Variants in FUT8 observed in about 807,000 individuals in gnomAD.
FUT8 encodes alpha-(1,6)-fucosyltransferase.
Under a neutral mutation model 71.3 loss-of-function variants are expected in FUT8, and 29 were observed. The observed-to-expected ratio is 0.41, with a 90% CI of 0.30 to 0.55. FUT8 has a LOEUF of 0.55. Ranked by LOEUF, FUT8 falls within the 20% of genes least tolerant of loss-of-function variation. FUT8 has a pLI of 0.34. For synonymous variants in FUT8, 254 were observed against 239.3 expected, an observed-to-expected ratio of 1.06 and a Z score of -0.57; for missense variants, 544 against 702.1, an observed-to-expected ratio of 0.77 and a Z score of 2.55.
chr14:65,423,725 C>T (rs971290204), intron 1 of FUT8, among the ~76,000 whole-genome samples: 4 of 152,184 alleles, frequency 2.6e-5, no homozygotes, highest in African/African-American at 9.7e-5. Flanking sequence ...AGATCCTTCG[C>T]CTTCCATTTG....
chr14:65,670,223 A>G (rs1389497312), intron 7 of FUT8, among the ~76,000 whole-genome samples: 1 of 152,186 alleles, frequency 6.6e-6, no homozygotes, highest in Non-Finnish European at 1.5e-5. Context: ...TTTTCTTTCT[A>G]CAATCATGAT....
chr14:65,465,644 T>C (rs924213668), intron 2 of FUT8, among the ~76,000 whole-genome samples: 3 of 152,252 alleles, frequency 2.0e-5, no homozygotes, highest in African/African-American at 7.2e-5. Context: ...CATTGTGGTG[T>C]GTCTATTTGT....
rs76807975 is a variant in FUT8, at chr14:65,720,767, G to A, written c.836-1008G>A. 4.4e-3 allele frequency among the ~76,000 whole-genome samples: 662 copies of A among 152,174 alleles called. 3 individuals carry two copies. The highest frequency in any genetic ancestry group is 6.2e-3 in the Non-Finnish European group (423 of 68,004). ...AGGACACTTCAGCCTATAGTGGTGC[G>A]GCTTGTTGAAACTCAGGCTCCAACC... On this transcript the variant is annotated intron_variant, in intron 7 of 10. Transcript: ENST00000673929.
At chr14:65,431,319 T>C (rs1238188580) in intron 1 of FUT8, among the ~76,000 whole-genome samples, 13 of 82,774 alleles carry the variant, frequency 1.6e-4, no homozygotes, top group East Asian at 3.3e-4. Context: ...TTTTTTTTTT[T>C]CTCTCAAATG....
In FUT8 at chr14:65,421,739, A is replaced by AC. The variant is rs1555359419; in HGVS notation, c.-326+8533dup. ...TTTGTATCTTGAAACCCTTTAACCC[A>AC]CCCCCCCCTTTTTTTTTTTTTGCCA... On this transcript the variant is annotated intron_variant, in intron 1 of 10. Coordinates refer to ENST00000673929, the MANE Select transcript of FUT8 (RefSeq NM_001371533.1). Among the ~76,000 whole-genome samples the AC allele has an allele frequency of 6.1e-3, 319 of 51,974 alleles. 48 individuals are homozygous for AC. The East Asian group carries it at 0.098, about 16-fold the overall frequency. 34.1% of individuals were successfully genotyped at this position (51,974 alleles called of 152,430 possible). A position where few individuals can be genotyped will look rare whatever the true frequency, so the allele number is the denominator to read the frequency against.
At chr14:65,432,738 T>A (rs183793564) in intron 1 of FUT8, among the ~76,000 whole-genome samples, 1 of 152,274 alleles carries the variant, frequency 6.6e-6, no homozygotes, top group Admixed American at 6.5e-5. Context: ...TCCTCACTAC[T>A]ACACTTCCAT....
In FUT8 at chr14:65,607,237, G is replaced by A. The variant is rs1888633739; in HGVS notation, c.204-8741G>A. 6.6e-6 allele frequency among the ~76,000 whole-genome samples: 1 copy of A among 151,786 alleles called. No homozygotes were observed. On this transcript the variant is annotated intron_variant, in intron 3 of 10. Coordinates refer to ENST00000673929, the MANE Select transcript of FUT8 (RefSeq NM_001371533.1). This position sits in a 1 kb window ranked among gnomAD's most constrained non-coding sequence, Gnocchi z 4.1. ...AAGGCCTTCAGTACAGTGATGAATA[G>A]AAGCATAGATGGCAGGCCTGTCTTC...
chr14:65,697,633 A>T (rs1468023583), intron 7 of FUT8, among the ~76,000 whole-genome samples: 1 of 152,196 alleles, frequency 6.6e-6, no homozygotes, highest in Non-Finnish European at 1.5e-5. Context: ...ATCATCACAA[A>T]CAGCTATAAA....
At chr14:65,705,874 T>A (rs922044876) in intron 7 of FUT8, among the ~76,000 whole-genome samples, 1 of 152,214 alleles carries the variant, frequency 6.6e-6, no homozygotes, top group Non-Finnish European at 1.5e-5. Context: ...GTAAACAGCA[T>A]GAATTAGATA....
intron 3 of FUT8, among the ~76,000 whole-genome samples, chr14:65,567,599 C>A (rs1886263776): frequency 6.6e-6 from 1 of 151,910 alleles, no homozygotes; most frequent in African/African-American, 2.4e-5. Context: ...GTGTACAGCA[C>A]CTGCCATCTA....
intron 1 of FUT8, among the ~76,000 whole-genome samples, chr14:65,435,337 AG>A (rs2065538742): frequency 6.6e-6 from 1 of 152,168 alleles, no homozygotes; most frequent in Admixed American, 6.5e-5. Context: ...GTGGATATGG[AG>A]GGCCAACTGT....
chr14:65,634,577 A>AAG (rs201487020), intron 6 of FUT8, among the ~76,000 whole-genome samples: 1 of 150,698 alleles, frequency 6.6e-6, no homozygotes, highest in African/African-American at 2.4e-5. Context: ...AAAAAAAAAA[A>AAG]AAAAGAAAAG....
chr14:65,451,242 C>T (rs568134161), intron 1 of FUT8, among the ~76,000 whole-genome samples: 6 of 152,346 alleles, frequency 3.9e-5, no homozygotes, highest in Admixed American at 6.5e-5. Flanking sequence ...TGAAACCAGC[C>T]GGCTGCTTTG....
intron 6 of FUT8, among the ~76,000 whole-genome samples, chr14:65,649,552 G>A (rs1188638224): frequency 6.6e-6 from 1 of 152,154 alleles, no homozygotes; most frequent in East Asian, 1.9e-4. Flanking sequence ...CTAGTGCCCT[G>A]CCTTTTGTAC....
At chr14:65,540,480 T>C (rs1441900700) in intron 2 of FUT8, among the ~76,000 whole-genome samples, 1 of 152,210 alleles carries the variant, frequency 6.6e-6, no homozygotes, top group African/African-American at 2.4e-5. Context: ...TTTTGTACCA[T>C]GAGGCAGTCT....
intron 3 of FUT8, among the ~76,000 whole-genome samples, chr14:65,579,691 A>T (rs1476446562): frequency 2.0e-5 from 3 of 152,142 alleles, no homozygotes; most frequent in Admixed American, 1.3e-4. Flanking sequence ...GTAGAAATAG[A>T]TATAGTATAT....
chr14:65,479,306 G>T (rs2066293418), intron 2 of FUT8, among the ~76,000 whole-genome samples: 1 of 152,116 alleles, frequency 6.6e-6, no homozygotes, highest in African/African-American at 2.4e-5. Context: ...AGATAGAATG[G>T]TTGGCCCAAA....
chr14:65,646,825 T>G (rs922087334), intron 6 of FUT8, among the ~76,000 whole-genome samples: 1 of 152,148 alleles, frequency 6.6e-6, no homozygotes, highest in Admixed American at 6.5e-5. Flanking sequence ...TGCATACAAA[T>G]ACATCTCTGT....
intron 1 of FUT8, among the ~76,000 whole-genome samples, chr14:65,420,177 A>G (rs2065272421): frequency 6.6e-6 from 1 of 152,212 alleles, no homozygotes; most frequent in Admixed American, 6.5e-5. Flanking sequence ...TTAGGTTTTA[A>G]TGGCATAAAG....
Sources: allele counts gnomAD v4.1 joint callset (sites outside exome capture counted in the v4.1 genomes callset), GRCh38; gene constraint gnomAD v4.1.1; non-coding constraint Gnocchi (gnomAD v3.1); transcripts MANE v1.5; gene names NCBI Gene and HGNC (gene_info 2026-07-23, HGNC 2026-07-21).